SPIDR: variants seen among roughly 807,000 people sequenced by gnomAD.
The protein encoded by SPIDR is scaffold protein involved in DNA repair, also known as DNA repair-scaffolding protein.
In SPIDR, 93 loss-of-function variants were observed where a neutral mutation model predicts 104.6. The observed-to-expected ratio is 0.89, with a 90% CI of 0.75 to 1.06. SPIDR has a LOEUF of 1.06. SPIDR is among the 50% of genes least tolerant of loss of function. SPIDR has a pLI of 0.00. For synonymous variants in SPIDR, 431 were observed against 416.9 expected (o/e 1.03, Z -0.41); for missense variants, 1,154 against 1,111.2 (o/e 1.04, Z -0.55).
At chr8:47,484,756 C>T (rs910313368) in intron 8 of SPIDR, among the ~76,000 whole-genome samples, 6 of 152,184 alleles carry the variant, frequency 3.9e-5, no homozygotes, top group Admixed American at 1.3e-4. Context: ...ACATGGATTG[C>T]GTCTTGGATT....
rs1274292364 is a variant in SPIDR at position 47,652,796 on chromosome 8, C to CAGG, written c.1545-21005_1545-21004insAGG. Among the ~76,000 whole-genome samples the CAGG allele has an allele frequency of 3.9e-5, 6 of 152,242 alleles. No individual in the cohort carries two copies. In the East Asian group the frequency reaches 1.2e-3, roughly 29 times the overall value. On this transcript the variant is annotated intron_variant, in intron 10 of 19. Coordinates refer to ENST00000297423, the MANE Select transcript of SPIDR (RefSeq NM_001080394.4). ...AGAGCAGGTAGAACATGTATGCATA[C>CAGG]TTCACAAAAAACAGGTGATTTATAA...
chr8:47,431,971 A>T (rs944055613), intron 7 of SPIDR, among the ~76,000 whole-genome samples: 1 of 152,136 alleles, frequency 6.6e-6, no homozygotes, highest in Non-Finnish European at 1.5e-5. Context: ...TATAATCAGG[A>T]TCTCCTGCTT....
intron 9 of SPIDR, 96 bp from the exon 10 acceptor site, chr8:47,598,850 A>C: frequency 6.7e-7 from 1 of 1,496,572 alleles, no homozygotes; most frequent in South Asian, 1.2e-5. Flanking sequence ...TGGCTGCTTA[A>C]GGATGTCATT....
intron 5 of SPIDR, among the ~76,000 whole-genome samples, chr8:47,345,636 C>A (rs1321601460): frequency 6.6e-6 from 1 of 152,164 alleles, no homozygotes; most frequent in Non-Finnish European, 1.5e-5. Flanking sequence ...TCTTTTATTT[C>A]ATTGAGCAGT....
At chr8:47,285,439 C>T (rs2038650671) in intron 3 of SPIDR, among the ~76,000 whole-genome samples, 1 of 152,212 alleles carries the variant, frequency 6.6e-6, no homozygotes, top group Non-Finnish European at 1.5e-5. Flanking sequence ...CTTAGGCACA[C>T]ATTACAAAAG....
chr8:47,328,982 T>TTCTG (rs2048177194), intron 5 of SPIDR, among the ~76,000 whole-genome samples: 1 of 152,042 alleles, frequency 6.6e-6, no homozygotes, highest in African/African-American at 2.4e-5. Context: ...TGTTGGCTCA[T>TTCTG]GGCAAACTCC....
chr8:47,483,508 A>C (rs1295267322), intron 8 of SPIDR, among the ~76,000 whole-genome samples: 2 of 152,116 alleles, frequency 1.3e-5, no homozygotes, highest in African/African-American at 4.8e-5. Context: ...GTATTCCCAA[A>C]AGTAGTCAGT....
intron 5 of SPIDR, among the ~76,000 whole-genome samples, chr8:47,311,935 G>A (rs944657339): frequency 6.6e-6 from 1 of 151,914 alleles, no homozygotes; most frequent in Non-Finnish European, 1.5e-5. Flanking sequence ...TGTTCTCATT[G>A]TTCAGTTCCC....
chr8:47,401,426 A>G (rs1047086382), intron 6 of SPIDR, among the ~76,000 whole-genome samples: 3 of 152,214 alleles, frequency 2.0e-5, no homozygotes, highest in African/African-American at 7.2e-5. Flanking sequence ...TGCATCAACT[A>G]ACGAGCAAAA....
At chr8:47,621,789 C>T (rs2065208944) in intron 10 of SPIDR, among the ~76,000 whole-genome samples, 2 of 152,188 alleles carry the variant, frequency 1.3e-5, no homozygotes, top group Admixed American at 1.3e-4. Context: ...GTCTGGCCAA[C>T]ATGGTGAAAC....
intron 5 of SPIDR, among the ~76,000 whole-genome samples, chr8:47,322,048 G>A (rs1237734724): frequency 6.6e-6 from 1 of 152,174 alleles, no homozygotes; most frequent in Non-Finnish European, 1.5e-5. Context: ...AGGACTTCGT[G>A]TCTAAAACAC....
intron 8 of SPIDR, among the ~76,000 whole-genome samples, chr8:47,534,875 G>A (rs1331892614): frequency 6.6e-6 from 1 of 151,864 alleles, no homozygotes; most frequent in Non-Finnish European, 1.5e-5. Flanking sequence ...TTCTTTGAAC[G>A]ATTAATAAAA....
chr8:47,348,730 T>C (rs1288219064), intron 5 of SPIDR, among the ~76,000 whole-genome samples: 3 of 152,214 alleles, frequency 2.0e-5, no homozygotes, highest in Non-Finnish European at 4.4e-5. Context: ...TGTCTTCCAC[T>C]TCAATGAATC....
intron 4 of SPIDR, among the ~76,000 whole-genome samples, chr8:47,291,361 G>A (rs991120148): frequency 2.6e-5 from 4 of 152,294 alleles, no homozygotes; most frequent in Admixed American, 1.3e-4. Context: ...CAAAATGCTG[G>A]TGAGGTTGTG....
intron 8 of SPIDR, among the ~76,000 whole-genome samples, chr8:47,517,777 T>G (rs1330881119): frequency 6.6e-6 from 1 of 152,260 alleles, no homozygotes; most frequent in East Asian, 1.9e-4. Flanking sequence ...ATTATTCGTA[T>G]TTAACTCTTT....
rs1040747774 is a variant in SPIDR at position 47,713,626 on chromosome 8, A to G, written c.2326A>G (p.Ile776Val). 6.2e-7 allele frequency: 1 copy of G among 1,614,124 alleles called. No individual in the cohort carries two copies. Among genetic ancestry groups the G allele is most frequent in the Non-Finnish European group, 8.5e-7 (1 of 1,180,036 alleles). The stretch of plus-strand genomic sequence containing the variant: ...GGACTCTGCAACACCTGTCAACTCC[A>G]TCTGCAGTGTTCAAGGTAGGCAGCC... ...SLDSATPVNSICSVQGTVVGV... is the reference protein window; with the variant it reads ...SLDSATPVNSVCSVQGTVVGV... The change falls in exon 16 of 20, where the codon ATC (isoleucine) becomes GTC (valine). Residue 776 changes from isoleucine (I) to valine (V), a missense_variant. Transcript: ENST00000297423.
At chr8:47,546,761 T>G (rs990440661) in intron 8 of SPIDR, 1 of 175,132 alleles carries the variant, frequency 5.7e-6, no homozygotes, top group Non-Finnish European at 1.2e-5. Flanking sequence ...ACATTATTTT[T>G]AATTATGTAC....
chr8:47,695,727 C>T (rs2079237407), intron 11 of SPIDR, among the ~76,000 whole-genome samples: 1 of 152,144 alleles, frequency 6.6e-6, no homozygotes, highest in East Asian at 1.9e-4. Context: ...ATCTTGGTTG[C>T]CCTTACTTTG....
At chr8:47,715,964 C>CTTTTTTTTT (rs965625857) in intron 16 of SPIDR, among the ~76,000 whole-genome samples, 8 of 127,104 alleles carry the variant, frequency 6.3e-5, no homozygotes, top group Non-Finnish European at 6.7e-5. Context: ...TCTCTTTTTT[C>CTTTTTTTTT]TTTTTTTTTT....
Sources: allele counts gnomAD v4.1 joint callset (sites outside exome capture counted in the v4.1 genomes callset), GRCh38; gene constraint gnomAD v4.1.1; transcripts MANE v1.5; gene names NCBI Gene and HGNC (gene_info 2026-07-23, HGNC 2026-07-21).